The following LPP variants were observed in gnomAD, a reference collection of about 807,000 sequenced individuals.
LPP encodes the protein LIM domain containing preferred translocation partner in lipoma.
A neutral mutation model predicts 60.4 loss-of-function variants in LPP; 38 were observed. That is an observed-to-expected ratio of 0.63 (90% CI 0.49 to 0.83). The LOEUF (loss-of-function observed/expected upper bound fraction) is 0.83. Among genes scored for constraint, LPP ranks in the 40% least tolerant of loss-of-function variants. The pLI, the probability that LPP is intolerant of heterozygous loss-of-function variation, is 0.00. For synonymous variants in LPP, 328 were observed against 290.8 expected (o/e 1.13, Z -1.30); for missense variants, 902 against 783.6 (o/e 1.15, Z -1.80).
At chr3:188,642,134 A>G (rs912810877) in intron 7 of LPP, among the ~76,000 whole-genome samples, 1 of 152,180 alleles carries the variant, frequency 6.6e-6, no homozygotes, top group Non-Finnish European at 1.5e-5. Context: ...TTTGGGGAAT[A>G]GAGTATTTCC....
At chr3:188,179,721 G>T in intron 1 of LPP, 3 of 349,184 alleles carry the variant, frequency 8.6e-6, no homozygotes, top group Non-Finnish European at 5.6e-6. Flanking sequence ...TGAGAAATGG[G>T]CATCCTGAGT....
At chr3:188,632,554 T>C (rs896221669) in intron 7 of LPP, among the ~76,000 whole-genome samples, 1 of 152,218 alleles carries the variant, frequency 6.6e-6, no homozygotes, top group Non-Finnish European at 1.5e-5. Context: ...TCTGGTTTTG[T>C]GGCCACCTCA....
At chr3:188,829,235 G>T (rs1403301712) in intron 9 of LPP, among the ~76,000 whole-genome samples, 1 of 151,984 alleles carries the variant, frequency 6.6e-6, no homozygotes, top group Admixed American at 6.6e-5. Context: ...GCCTCTCCTC[G>T]CCTATTAATC....
intron 9 of LPP, among the ~76,000 whole-genome samples, chr3:188,815,958 A>G (rs1015295014): frequency 6.6e-6 from 1 of 152,188 alleles, no homozygotes; most frequent in African/African-American, 2.4e-5. Flanking sequence ...TTGAGACAGG[A>G]TCCGAAAGTA....
chr3:188,472,839 A>G (rs1404595618), intron 4 of LPP: 1 of 152,188 alleles, frequency 6.6e-6, no homozygotes, highest in Non-Finnish European at 1.5e-5. Context: ...CTAAATAGTA[A>G]GAACCTCTTC....
chr3:188,251,020 TC>T (rs1382885850), intron 2 of LPP, among the ~76,000 whole-genome samples: 6 of 70,036 alleles, frequency 8.6e-5, no homozygotes, highest in African/African-American at 1.7e-4. Flanking sequence ...CCCCCCGCCC[TC>T]CCCCCTTCCC....
chr3:188,467,509 T>C (rs1335459558), intron 4 of LPP, among the ~76,000 whole-genome samples: 2 of 152,092 alleles, frequency 1.3e-5, no homozygotes, highest in Non-Finnish European at 2.9e-5. Context: ...TGTCCACGTC[T>C]TAATCTCTGG....
chr3:188,415,662 T>C, intron 4 of LPP, among the ~76,000 whole-genome samples: 1 of 151,806 alleles, frequency 6.6e-6, no homozygotes, highest in African/African-American at 2.4e-5. Context: ...CTGGACATGC[T>C]TAATGAAAAA....
intron 2 of LPP, among the ~76,000 whole-genome samples, chr3:188,339,632 C>T (rs896437766): frequency 6.6e-6 from 1 of 152,098 alleles, no homozygotes; most frequent in Non-Finnish European, 1.5e-5. Context: ...TATCAGATCT[C>T]GTGAGACTCA....
intron 7 of LPP, among the ~76,000 whole-genome samples, chr3:188,647,245 G>A (rs1219948212): frequency 6.6e-6 from 1 of 152,210 alleles, no homozygotes; most frequent in Non-Finnish European, 1.5e-5. Context: ...CTGACTTTGG[G>A]ATGCCAGCTG....
intron 7 of LPP, among the ~76,000 whole-genome samples, chr3:188,656,301 T>C (rs1308543147): frequency 6.6e-6 from 1 of 151,892 alleles, no homozygotes; most frequent in African/African-American, 2.4e-5. Flanking sequence ...AAGACAAACC[T>C]GACTGCCTCC....
chr3:188,560,149 A>G (rs896225333), intron 6 of LPP, among the ~76,000 whole-genome samples: 6 of 152,148 alleles, frequency 3.9e-5, no homozygotes, highest in Non-Finnish European at 7.4e-5. Flanking sequence ...ATAATTACAG[A>G]GAATGCATAG....
Position 188,550,498 on chromosome 3 carries a change from A to G in LPP, c.429+25711A>G, listed in dbSNP as rs1052194890. 2.7e-5 allele frequency among the ~76,000 whole-genome samples: 4 copies of G among 147,264 alleles called. No individual in the cohort carries two copies. In the Admixed American group the frequency reaches 2.8e-4, roughly 10 times the overall value. On this transcript the variant is annotated intron_variant, in intron 6 of 11. Transcript: ENST00000617246. ...GAGGCTGAGGCAGGAGAATCGCTTG[A>G]ACCTGAGAGGCGGAGGTTGCGGTGA... is the stretch of plus-strand genomic sequence containing the variant.
chr3:188,693,990 C>T (rs1862672828), intron 7 of LPP, among the ~76,000 whole-genome samples: 1 of 152,162 alleles, frequency 6.6e-6, no homozygotes, highest in Non-Finnish European at 1.5e-5. Flanking sequence ...CTCCTTGACA[C>T]TCAGTTTTCT....
At chr3:188,543,389 G>A (rs1374534788) in intron 6 of LPP, among the ~76,000 whole-genome samples, 1 of 152,136 alleles carries the variant, frequency 6.6e-6, no homozygotes. Flanking sequence ...GGTGAGACAG[G>A]AATCTGTATA....
intron 2 of LPP, among the ~76,000 whole-genome samples, chr3:188,325,259 G>T (rs1758098883): frequency 6.6e-6 from 1 of 152,152 alleles, no homozygotes; most frequent in African/African-American, 2.4e-5. Context: ...GGAATTACAG[G>T]TGTGAGCCAC....
At chr3:188,406,042 A>C in intron 3 of LPP, 70 bp from the exon 4 acceptor site, 1 of 1,324,260 alleles carries the variant, frequency 7.6e-7, no homozygotes. Context: ...AAGGTGAAAT[A>C]GCAATGAAAT....
At chr3:188,636,204 G>C (rs947155871) in intron 7 of LPP, among the ~76,000 whole-genome samples, 5 of 152,210 alleles carry the variant, frequency 3.3e-5, no homozygotes, top group Admixed American at 1.3e-4. Context: ...TGCGCGCACC[G>C]TGTGCGAGCC....
intron 2 of LPP, among the ~76,000 whole-genome samples, chr3:188,288,823 C>T (rs1744968247): frequency 3.1e-5 from 2 of 64,224 alleles, no homozygotes; most frequent in South Asian, 8.6e-4. Context: ...CCCCCACCCC[C>T]CACCCCCACC....
Sources: allele counts gnomAD v4.1 joint callset (sites outside exome capture counted in the v4.1 genomes callset), GRCh38; gene constraint gnomAD v4.1.1; transcripts MANE v1.5; gene names NCBI Gene and HGNC (gene_info 2026-07-23, HGNC 2026-07-21).